Variants in DEPDC4 observed in about 807,000 individuals in gnomAD.
DEPDC4 encodes DEP domain-containing protein 4.
A neutral mutation model predicts 52.0 loss-of-function variants in DEPDC4; 52 were observed. The observed-to-expected ratio is 1.00, with a 90% CI of 0.80 to 1.26. The LOEUF is 1.26. Ranked by LOEUF, DEPDC4 falls within the 50% of genes most tolerant of loss-of-function variation. DEPDC4 has a pLI of 0.00. For synonymous variants in DEPDC4, 201 were observed against 196.8 expected, an observed-to-expected ratio of 1.02 and a Z score of -0.18; for missense variants, 530 against 546.9, an observed-to-expected ratio of 0.97 and a Z score of 0.31.
At chr12:100,276,202 G>A in the DEPDC4 span, among the ~76,000 whole-genome samples, 6 of 152,126 alleles carry the variant, frequency 3.9e-5, no homozygotes, top group African/African-American at 1.4e-4. Context: ...GAGAGTTTGT[G>A]TAGACTTGGT....
intron 8 of DEPDC4, among the ~76,000 whole-genome samples, chr12:100,247,341 G>C (rs143035194): frequency 1.3e-5 from 2 of 151,162 alleles, no homozygotes; most frequent in African/African-American, 4.9e-5. Flanking sequence ...AAGTAGCTTG[G>C]ATTACAGGCA....
intron 9 of DEPDC4, among the ~76,000 whole-genome samples, chr12:100,234,912 T>A (rs1418853130): frequency 6.6e-6 from 1 of 152,186 alleles, no homozygotes; most frequent in Non-Finnish European, 1.5e-5. Context: ...GGCATGGCAA[T>A]GCTTGGTTAG....
At chr12:100,244,243 C>T (rs757091810) in intron 8 of DEPDC4, among the ~76,000 whole-genome samples, 4 of 150,688 alleles carry the variant, frequency 2.7e-5, no homozygotes, top group African/African-American at 4.9e-5. Context: ...TGCAGTGGCG[C>T]GATCTCGGCT....
intron 1 of DEPDC4, 95 bp downstream of exon 1, chr12:100,266,825 C>A: frequency 6.8e-7 from 1 of 1,470,750 alleles, no homozygotes; most frequent in Admixed American, 2.0e-5. Flanking sequence ...ATGGGCGGGG[C>A]CCTGGACCAA....
chr12:100,270,798 T>C (rs923140602), upstream of DEPDC4, among the ~76,000 whole-genome samples: 1 of 152,076 alleles, frequency 6.6e-6, no homozygotes, highest in Non-Finnish European at 1.5e-5. Flanking sequence ...TTAAATCTTA[T>C]TGTACAGTGG....
At chr12:100,252,126 G>C in intron 7 of DEPDC4, 50 bp downstream of exon 7, 1 of 1,113,748 alleles carries the variant, frequency 9.0e-7, no homozygotes. Flanking sequence ...TTTTCTGCTT[G>C]ACACAAGTAG....
chr12:100,256,393 A>AT (rs1185800614), intron 3 of DEPDC4, among the ~76,000 whole-genome samples, 167 bp from the exon 4 acceptor site: 1 of 152,126 alleles, frequency 6.6e-6, no homozygotes, highest in African/African-American at 2.4e-5. Flanking sequence ...TTATATTACA[A>AT]TTTTTCAAGA....
At chr12:100,235,694 C>T (rs906258473), downstream of DEPDC4, among the ~76,000 whole-genome samples, 7 of 152,132 alleles carry the variant, frequency 4.6e-5, no homozygotes, top group South Asian at 4.1e-4. Flanking sequence ...CCTATCTCAG[C>T]CTCCCAAGTA....
the DEPDC4 span, among the ~76,000 whole-genome samples, chr12:100,281,063 C>G: frequency 2.7e-5 from 3 of 109,266 alleles, no homozygotes; most frequent in Non-Finnish European, 3.3e-5. Context: ...TAGAGCCTGG[C>G]TGTCACCCAG....
the DEPDC4 span, among the ~76,000 whole-genome samples, chr12:100,279,304 T>C: frequency 6.6e-6 from 1 of 152,248 alleles, no homozygotes; most frequent in Non-Finnish European, 1.5e-5. Context: ...TGAGAATCTA[T>C]TGCTGCCACC....
At chr12:100,281,196 T>C in the DEPDC4 span, among the ~76,000 whole-genome samples, 3 of 151,912 alleles carry the variant, frequency 2.0e-5, no homozygotes, top group Non-Finnish European at 2.9e-5. Context: ...TCCTGGCTAA[T>C]TTTCGAATTT....
At chr12:100,280,648 C>T in the DEPDC4 span, among the ~76,000 whole-genome samples, 3 of 152,122 alleles carry the variant, frequency 2.0e-5, no homozygotes, top group Non-Finnish European at 4.4e-5. Context: ...GGTTGAATAT[C>T]CCTAATCCAA....
the DEPDC4 span, among the ~76,000 whole-genome samples, chr12:100,272,710 T>G: frequency 6.6e-6 from 1 of 152,010 alleles, no homozygotes; most frequent in Non-Finnish European, 1.5e-5. Flanking sequence ...AAATTGGGGG[T>G]GGGGTAGGAT....
At chr12:100,262,004 C>T in intron 3 of DEPDC4, among the ~76,000 whole-genome samples, 1 of 152,148 alleles carries the variant, frequency 6.6e-6, no homozygotes, top group East Asian at 1.9e-4. Flanking sequence ...TGTACAACAC[C>T]AAGGCTGAGC....
intron 7 of DEPDC4, among the ~76,000 whole-genome samples, chr12:100,250,274 G>A (rs760687206): frequency 9.2e-5 from 14 of 152,100 alleles, no homozygotes; most frequent in Admixed American, 3.9e-4. Flanking sequence ...GGAGTGCAGC[G>A]GTGCGATCTT....
upstream of DEPDC4, among the ~76,000 whole-genome samples, chr12:100,268,398 T>C (rs1028570921): frequency 1.3e-5 from 2 of 152,180 alleles, no homozygotes; most frequent in African/African-American, 4.8e-5. Context: ...ACTTTGCAGG[T>C]TTGTTGTTGT....
chr12:100,246,123 G>GT (rs34475855), intron 8 of DEPDC4, among the ~76,000 whole-genome samples: 34,852 of 135,264 alleles, frequency 0.26, 4,895 homozygotes, highest in African/African-American at 0.39. Context: ...CTACGCCTGG[G>GT]TTTTTTTTTT....
chr12:100,245,762 C>G (rs976687201), intron 8 of DEPDC4, among the ~76,000 whole-genome samples: 2 of 152,174 alleles, frequency 1.3e-5, no homozygotes, highest in African/African-American at 2.4e-5. Context: ...ATTCTCTACA[C>G]TGCTGCCAGC....
At position 100,252,442 on chromosome 12, in the gene DEPDC4, A is replaced by G. The variant is rs2096212092; in HGVS notation, c.1200T>C (p.Thr400=). Residue 400 remains threonine, a synonymous_variant, in exon 6 of 10, where the codon ACT becomes ACC. Coordinates refer to ENST00000550587, the MANE Select transcript of DEPDC4 (RefSeq NM_001364818.2). ...NIREELRRLL[T]FMAMASEPNA... ...TGGGCTCTGATGCCATTGCCATAAA[A>G]GTAAGTAGCCGTCGTAATTCTTCTC... is the stretch of plus-strand genomic sequence containing the variant. 5.0e-6 allele frequency: 8 copies of G among 1,601,858 alleles called. No individual in the cohort carries two copies. The highest frequency in any genetic ancestry group is 5.1e-6 in the Non-Finnish European group (6 of 1,178,448).
Sources: allele counts gnomAD v4.1 joint callset (sites outside exome capture counted in the v4.1 genomes callset), GRCh38; gene constraint gnomAD v4.1.1; transcripts MANE v1.5; gene names NCBI Gene and HGNC (gene_info 2026-07-23, HGNC 2026-07-21).